USP17L4: variants seen among roughly 807,000 people sequenced by gnomAD.
USP17L4 encodes ubiquitin specific peptidase 17 like family member 4.
USP17L4 carries 16 observed loss-of-function variants against 20.2 expected under a neutral mutation model. That is an observed-to-expected ratio of 0.79 (90% CI 0.54 to 1.20). USP17L4 has a LOEUF of 1.20. Ranked by LOEUF, USP17L4 falls within the 50% of genes most tolerant of loss-of-function variation. The probability of loss-of-function intolerance (pLI) is 0.00; values close to 1 mark genes in which losing one functional copy is unlikely to be tolerated. For missense variants in USP17L4, 211 were observed against 316.9 expected, an observed-to-expected ratio of 0.67 and a Z score of 2.54; for synonymous variants, 92 against 122.5, an observed-to-expected ratio of 0.75 and a Z score of 1.65.
chr8:7,338,319 C>T lies in USP17L4; in HGVS notation c.1205C>T (p.Pro402Leu). ...CTTGGCGCTGAAGACACAGACAGGC[C>T]AGCAACGCAAGGAGAGCTCAAGAGA... ...RALGAEDTDR[P>L]ATQGELKRDH... Residue 402 changes from proline to leucine, a missense_variant, in exon 1 of 1, where the codon CCA becomes CTA. Pro to Leu is a moderately conservative substitution (Grantham distance 98). Coordinates refer to ENST00000526929, the MANE Select transcript of USP17L4 (RefSeq NM_001256874.1). 8.0e-7 allele frequency: 1 copy of T among 1,245,046 alleles called. No homozygotes were observed. The highest frequency in any genetic ancestry group is 1.1e-6 in the Non-Finnish European group (1 of 900,282). The allele number at this position is 1,245,046 out of a possible 1,614,324, so 77.1% of individuals were successfully genotyped here.
At position 7,337,938 on chromosome 8, in the gene USP17L4, T is replaced by C; in HGVS notation, c.824T>C (p.Val275Ala). ...NTLTLHTSAK[V>A]LILVLKRFSD... ...TTAACTTTACACACTTCTGCCAAGGTCCTCATCCTTGTCTTGAAGAGATTC... is the reference window on the plus strand; with the variant it reads ...TTAACTTTACACACTTCTGCCAAGGCCCTCATCCTTGTCTTGAAGAGATTC... Residue 275 changes from valine to alanine, a missense_variant, in exon 1 of 1, where the codon GTC becomes GCC. By Grantham distance (64) the Val-to-Ala change is moderately conservative. Around this residue, in one of 5 missense-constraint regions of USP17L4, gnomAD observed 10 missense variants for 37.5 expected, o/e 0.27. Coordinates refer to ENST00000526929, the MANE Select transcript of USP17L4 (RefSeq NM_001256874.1). 1.4e-6 allele frequency: 1 copy of C among 731,088 alleles called. No homozygotes were observed. The highest frequency in any genetic ancestry group is 1.5e-5 in the South Asian group (1 of 67,288). 45.3% of individuals were successfully genotyped at this position (731,088 alleles called of 1,614,324 possible).
In USP17L4 at chr8:7,337,216, G is replaced by A; in HGVS notation, c.102G>A (p.Arg34=). 1.9e-6 allele frequency: 1 copy of A among 525,004 alleles called. No individual in the cohort carries two copies. Among genetic ancestry groups the A allele is most frequent in the Non-Finnish European group, 3.2e-6 (1 of 312,040 alleles). The allele number at this position is 525,004 out of a possible 1,614,324, so 32.5% of individuals were successfully genotyped here. Reference sequence around the variant, plus strand: ...ATGCAGCTTTTGCTGAAATCCAGCGGACTTCTCTCCCTGAGAAGTCACCAC... The same window carrying A: ...ATGCAGCTTTTGCTGAAATCCAGCGAACTTCTCTCCCTGAGAAGTCACCAC... The part of the protein sequence containing the change: ...RPDAAFAEIQ[R]TSLPEKSPLS... The change falls in exon 1 of 1, where the codon CGG becomes CGA. Residue 34 remains arginine, a synonymous_variant. Transcript: ENST00000526929.
At chr8:7,338,128 T>A in the USP17L4 span, 1 of 1,568,856 alleles carries the variant, frequency 6.4e-7, no homozygotes, top group Non-Finnish European at 8.6e-7. Flanking sequence ...ACTTCTCTTA[T>A]GTCAAAGCTC....
chr8:7,337,380 G>C lies in USP17L4; in HGVS notation c.266G>C (p.Cys89Ser). ...GGGCTCCAGAATATGGGAAATACCT[G>C]CTACGAGAACGCTTCCCTGCAGTGC... ...GAGLQNMGNT[C>S]YENASLQCLT... is the part of the protein sequence containing the mutation. Residue 89 changes from cysteine (C) to serine (S), a missense_variant, in exon 1 of 1, where the codon TGC (cysteine) becomes TCC (serine). By Grantham distance (112) the Cys-to-Ser change is moderately radical. This residue lies in a region of USP17L4 where 56 missense variants were observed against 46.3 expected (regional missense o/e 1.21). Transcript: ENST00000526929. 2.3e-6 allele frequency: 1 copy of C among 442,736 alleles called. No individual in the cohort carries two copies. The highest frequency in any genetic ancestry group is 3.7e-6 in the Non-Finnish European group (1 of 267,408). The allele number at this position is 442,736 out of a possible 1,614,324, so 27.4% of individuals were successfully genotyped here. A position where few individuals can be genotyped will look rare whatever the true frequency, so the allele number is the denominator to read the frequency against.
In USP17L4 at chr8:7,337,182, C is replaced by G; in HGVS notation, c.68C>G (p.Ser23Cys). The change falls in exon 1 of 1, where the codon TCT becomes TGT. Residue 23 changes from serine (S) to cysteine (C), a missense_variant. By Grantham distance (112) the Ser-to-Cys change is moderately radical. Around this residue, in one of 5 missense-constraint regions of USP17L4, gnomAD observed 56 missense variants for 46.3 expected, o/e 1.21. Transcript: ENST00000526929. ...AACCACTTTTCAAAACTCACATCTTCTCGGCCAGATGCAGCTTTTGCTGAA... is the reference window on the plus strand; with the variant it reads ...AACCACTTTTCAAAACTCACATCTTGTCGGCCAGATGCAGCTTTTGCTGAA... ...QFNHFSKLTS[S>C]RPDAAFAEIQ... is the part of the protein sequence containing the mutation. 1.8e-6 allele frequency: 1 copy of G among 556,306 alleles called. No homozygotes were observed. The highest frequency in any genetic ancestry group is 3.0e-6 in the Non-Finnish European group (1 of 331,580). The allele number at this position is 556,306 out of a possible 1,614,324, so 34.5% of individuals were successfully genotyped here.
chr8:7,338,193 C>G lies in USP17L4; in HGVS notation c.1079C>G (p.Thr360Ser), dbSNP rs777849931. Residue 360 changes from threonine to serine, a missense_variant, in exon 1 of 1, where the codon ACT (threonine) becomes AGT (serine). Around this residue, in one of 5 missense-constraint regions of USP17L4, gnomAD observed 140 missense variants for 167.6 expected, o/e 0.84. Transcript: ENST00000526929. ...GCCGAGGTCACTGTCTGTAGCATCACTTCTGTCCTGAGTCAACAGGCCTAT... is the reference window on the plus strand; with the variant it reads ...GCCGAGGTCACTGTCTGTAGCATCAGTTCTGTCCTGAGTCAACAGGCCTAT... ...DDAEVTVCSITSVLSQQAYVL... is the reference protein window; with the variant it reads ...DDAEVTVCSISSVLSQQAYVL... The G allele has an allele frequency of 6.7e-7, 1 of 1,499,116 alleles. No individual in the cohort carries two copies. The highest frequency in any genetic ancestry group is 9.0e-7 in the Non-Finnish European group (1 of 1,110,314). The allele number at this position is 1,499,116 out of a possible 1,614,324, so 92.9% of individuals were successfully genotyped here.
Position 7,337,147 on chromosome 8 carries a change from G to A in USP17L4, c.33G>A (p.Glu11=). 1 of 594,678 alleles carries A rather than the reference G, an allele frequency of 1.7e-6. No individual in the cohort carries two copies. Among genetic ancestry groups the A allele is most frequent in the South Asian group, 1.7e-5 (1 of 59,110 alleles). The allele number at this position is 594,678 out of a possible 1,614,324, so 36.8% of individuals were successfully genotyped here. A position where few individuals can be genotyped will look rare whatever the true frequency, so the allele number is the denominator to read the frequency against. The change falls in exon 1 of 1, where the codon GAG becomes GAA. Residue 11 remains glutamate, a synonymous_variant. Coordinates refer to ENST00000526929, the MANE Select transcript of USP17L4 (RefSeq NM_001256874.1). ...ACGACTCACTCTACTTGGGAGGTGA[G>A]TGGCAGTTCAACCACTTTTCAAAAC... The part of the protein sequence containing the change: MGDDSLYLGG[E]WQFNHFSKLT...
chr8:7,337,391 G>C lies in USP17L4; in HGVS notation c.277G>C (p.Ala93Pro). Residue 93 changes from alanine to proline, a missense_variant, in exon 1 of 1, where the codon GCT becomes CCT. Physicochemically the swap from Ala to Pro is conservative, Grantham distance 27. Around this residue, in one of 5 missense-constraint regions of USP17L4, gnomAD observed 56 missense variants for 46.3 expected, o/e 1.21. Transcript: ENST00000526929. ...QNMGNTCYEN[A>P]SLQCLTYTLP... ...TATGGGAAATACCTGCTACGAGAAC[G>C]CTTCCCTGCAGTGCCTGACATACAC... is the stretch of plus-strand genomic sequence containing the variant. The C allele has an allele frequency of 2.3e-6, 1 of 438,934 alleles. No homozygotes were observed. Among genetic ancestry groups the C allele is most frequent in the Middle Eastern group, 5.2e-4 (1 of 1,914 alleles). The allele number at this position is 438,934 out of a possible 1,614,324, so 27.2% of individuals were successfully genotyped here. A position where few individuals can be genotyped will look rare whatever the true frequency, so the allele number is the denominator to read the frequency against.
In USP17L4 at chr8:7,338,260, T is replaced by C; in HGVS notation, c.1146T>C (p.Ser382=). 8.3e-7 allele frequency: 1 copy of C among 1,201,698 alleles called. No homozygotes were observed. The highest frequency in any genetic ancestry group is 1.3e-5 in the South Asian group (1 of 79,434). The allele number at this position is 1,201,698 out of a possible 1,614,324, so 74.4% of individuals were successfully genotyped here. Residue 382 remains serine, a synonymous_variant, in exon 1 of 1, where the codon AGT becomes AGC. Coordinates refer to ENST00000526929, the MANE Select transcript of USP17L4 (RefSeq NM_001256874.1). Reference sequence around the variant, plus strand: ...AGAAGAGTGAATGGGAAAGACACAGTGAGAGTGTGTCAAGAGGCAGGGAAC... The same window carrying C: ...AGAAGAGTGAATGGGAAAGACACAGCGAGAGTGTGTCAAGAGGCAGGGAAC... ...YIQKSEWERH[S]ESVSRGREPR...
At position 7,337,218 on chromosome 8, in the gene USP17L4, C is replaced by A; in HGVS notation, c.104C>A (p.Thr35Asn). Residue 35 changes from threonine (T) to asparagine (N), a missense_variant, in exon 1 of 1, where the codon ACT becomes AAT. Thr to Asn is a moderately conservative substitution (Grantham distance 65). This residue lies in a region of USP17L4 where 56 missense variants were observed against 46.3 expected (regional missense o/e 1.21). Coordinates refer to ENST00000526929, the MANE Select transcript of USP17L4 (RefSeq NM_001256874.1). Reference protein sequence around the residue: ...PDAAFAEIQRTSLPEKSPLSS... With the variant: ...PDAAFAEIQRNSLPEKSPLSS... ...GCAGCTTTTGCTGAAATCCAGCGGACTTCTCTCCCTGAGAAGTCACCACTC... is the reference window on the plus strand; with the variant it reads ...GCAGCTTTTGCTGAAATCCAGCGGAATTCTCTCCCTGAGAAGTCACCACTC... 1.9e-6 allele frequency: 1 copy of A among 523,448 alleles called. No homozygotes were observed. Among genetic ancestry groups the A allele is most frequent in the Non-Finnish European group, 3.2e-6 (1 of 311,204 alleles). The allele number at this position is 523,448 out of a possible 1,614,324, so 32.4% of individuals were successfully genotyped here.
chr8:7,338,614 G>C lies in USP17L4; in HGVS notation c.1500G>C (p.Met500Ile). 3.5e-6 allele frequency: 2 copies of C among 563,946 alleles called. No individual in the cohort carries two copies. The highest frequency in any genetic ancestry group is 5.9e-6 in the Non-Finnish European group (2 of 336,340). The allele number at this position is 563,946 out of a possible 1,614,324, so 34.9% of individuals were successfully genotyped here. A position where few individuals can be genotyped will look rare whatever the true frequency, so the allele number is the denominator to read the frequency against. Residue 500 changes from methionine to isoleucine, a missense_variant, in exon 1 of 1, where the codon ATG becomes ATC. Coordinates refer to ENST00000526929, the MANE Select transcript of USP17L4 (RefSeq NM_001256874.1). ...SSMNSTDQES[M>I]NTGTLASLQG... Reference sequence around the variant, plus strand: ...TGAACTCGACAGATCAGGAGTCCATGAACACTGGCACACTCGCTTCTCTGC... The same window carrying C: ...TGAACTCGACAGATCAGGAGTCCATCAACACTGGCACACTCGCTTCTCTGC...
chr8:7,338,133 A>T lies in USP17L4; in HGVS notation c.1019A>T (p.Lys340Ile). The stretch of plus-strand genomic sequence containing the variant: ...GACGGATATTACTTCTCTTATGTCA[A>T]AGCTCAAGAAGGCCAGTGGTATAAA... ...CHDGYYFSYVKAQEGQWYKMD... is the reference protein window; with the variant it reads ...CHDGYYFSYVIAQEGQWYKMD... The change falls in exon 1 of 1, where the codon AAA (lysine) becomes ATA (isoleucine). Residue 340 changes from lysine to isoleucine, a missense_variant. By Grantham distance (102) the Lys-to-Ile change is moderately radical (BLOSUM62 -3). This residue lies in a region of USP17L4 where 140 missense variants were observed against 167.6 expected (regional missense o/e 0.84). Coordinates refer to ENST00000526929, the MANE Select transcript of USP17L4 (RefSeq NM_001256874.1). 1.9e-6 allele frequency: 3 copies of T among 1,566,338 alleles called. 1 individual carries two copies. The highest frequency in any genetic ancestry group is 3.4e-5 in the Admixed American group (2 of 58,930).
Position 7,338,359 on chromosome 8 carries a change from C to T in USP17L4, c.1245C>T (p.Leu415=). The change falls in exon 1 of 1, where the codon CTC becomes CTT. Residue 415 remains leucine (L), a synonymous_variant. Coordinates refer to ENST00000526929, the MANE Select transcript of USP17L4 (RefSeq NM_001256874.1). ...QGELKRDHPC[L]QVPELDEHLV... ...AGCTCAAGAGAGACCACCCTTGCCTCCAGGTACCCGAGTTGGACGAGCACT... is the reference window on the plus strand; with the variant it reads ...AGCTCAAGAGAGACCACCCTTGCCTTCAGGTACCCGAGTTGGACGAGCACT... The T allele has an allele frequency of 1.0e-6, 1 of 960,292 alleles. No homozygotes were observed. The highest frequency in any genetic ancestry group is 1.5e-6 in the Non-Finnish European group (1 of 652,176). 59.5% of individuals were successfully genotyped at this position (960,292 alleles called of 1,614,324 possible). A position where few individuals can be genotyped will look rare whatever the true frequency, so the allele number is the denominator to read the frequency against.
In USP17L4 at chr8:7,338,625, C is replaced by T. The variant is rs1375360619; in HGVS notation, c.1511C>T (p.Thr504Ile). ...STDQESMNTG[T>I]LASLQGRTRR... is the part of the protein sequence containing the mutation. ...GATCAGGAGTCCATGAACACTGGCA[C>T]ACTCGCTTCTCTGCAAGGGAGGACC... The change falls in exon 1 of 1, where the codon ACA becomes ATA. Residue 504 changes from threonine (T) to isoleucine (I), a missense_variant. Coordinates refer to ENST00000526929, the MANE Select transcript of USP17L4 (RefSeq NM_001256874.1). The T allele has an allele frequency of 1.8e-6, 1 of 564,508 alleles. No homozygotes were observed. The highest frequency in any genetic ancestry group is 3.0e-6 in the Non-Finnish European group (1 of 338,260). 35.0% of individuals were successfully genotyped at this position (564,508 alleles called of 1,614,324 possible).
chr8:7,338,122 CTCTTA>C, the USP17L4 span: 2 of 1,569,872 alleles, frequency 1.3e-6, no homozygotes, highest in Non-Finnish European at 1.7e-6. Context: ...GATATTACTT[CTCTTA>C]TGTCAAAGCT....
rs1354214195 is a variant in USP17L4, at chr8:7,337,349, G to T, written c.235G>T (p.Gly79Trp). 2.2e-6 allele frequency: 1 copy of T among 455,188 alleles called. No individual in the cohort carries two copies. Among genetic ancestry groups the T allele is most frequent in the Non-Finnish European group, 3.6e-6 (1 of 274,322 alleles). 28.2% of individuals were successfully genotyped at this position (455,188 alleles called of 1,614,324 possible). A position where few individuals can be genotyped will look rare whatever the true frequency, so the allele number is the denominator to read the frequency against. ...GAGTAGCAGGAGACCTGCTGCGGTGGGGGCTGGGCTCCAGAATATGGGAAA... is the reference window on the plus strand; with the variant it reads ...GAGTAGCAGGAGACCTGCTGCGGTGTGGGCTGGGCTCCAGAATATGGGAAA... ...PLSSRRPAAV[G>W]AGLQNMGNTC... Residue 79 changes from glycine to tryptophan, a missense_variant, in exon 1 of 1, where the codon GGG (glycine) becomes TGG (tryptophan). Gly to Trp is a radical substitution (Grantham distance 184). Coordinates refer to ENST00000526929, the MANE Select transcript of USP17L4 (RefSeq NM_001256874.1).
At position 7,337,225 on chromosome 8, in the gene USP17L4, C is replaced by T. The variant is rs1804599324; in HGVS notation, c.111C>T (p.Leu37=). ...AAFAEIQRTS[L]PEKSPLSSET... is the part of the protein sequence containing the mutation. ...TTGCTGAAATCCAGCGGACTTCTCT[C>T]CCTGAGAAGTCACCACTCTCATCTG... Residue 37 remains leucine, a synonymous_variant, in exon 1 of 1, where the codon CTC becomes CTT. Coordinates refer to ENST00000526929, the MANE Select transcript of USP17L4 (RefSeq NM_001256874.1). The T allele has an allele frequency of 1.9e-6, 1 of 519,996 alleles. No individual in the cohort carries two copies. Among genetic ancestry groups the T allele is most frequent in the Non-Finnish European group, 3.2e-6 (1 of 309,000 alleles). The allele number at this position is 519,996 out of a possible 1,614,324, so 32.2% of individuals were successfully genotyped here.
rs1406163502 is a variant in USP17L4, at chr8:7,338,185, T to C, written c.1071T>C (p.Cys357=). The C allele has an allele frequency of 6.6e-7, 1 of 1,507,116 alleles. No homozygotes were observed. The highest frequency in any genetic ancestry group is 2.3e-5 in the East Asian group (1 of 43,884). The allele number at this position is 1,507,116 out of a possible 1,614,324, so 93.4% of individuals were successfully genotyped here. ...TGGATGATGCCGAGGTCACTGTCTG[T>C]AGCATCACTTCTGTCCTGAGTCAAC... The part of the protein sequence containing the change: ...YKMDDAEVTV[C]SITSVLSQQA... The change falls in exon 1 of 1, where the codon TGT becomes TGC. Residue 357 remains cysteine, a synonymous_variant. Transcript: ENST00000526929.
the USP17L4 span, chr8:7,337,554 AG>A: frequency 1.2e-5 from 7 of 570,958 alleles, no homozygotes; most frequent in Non-Finnish European, 2.0e-5. Flanking sequence ...CAGCCCTCAC[AG>A]GCATTGGCTG....
Sources: allele counts gnomAD v4.1 joint callset, GRCh38; gene constraint gnomAD v4.1.1; regional missense constraint gnomAD v4.1.1; transcripts MANE v1.5; gene names NCBI Gene and HGNC (gene_info 2026-07-23, HGNC 2026-07-21).